The following GLO1 variants were observed in gnomAD, a reference collection of about 807,000 sequenced individuals.
GLO1 encodes lactoylglutathione lyase.
Under a neutral mutation model 26.0 loss-of-function variants are expected in GLO1, and 28 were observed. The observed-to-expected ratio is 1.08, with a 90% CI of 0.80 to 1.48. The LOEUF (loss-of-function observed/expected upper bound fraction) is 1.48. Among genes scored for constraint, GLO1 ranks in the 40% most tolerant of loss-of-function variants. The pLI is 0.00. For synonymous variants in GLO1, 78 were observed against 77.6 expected (o/e 1.00, Z -0.03); for missense variants, 225 against 224.8 (o/e 1.00, Z -0.01).
At position 38,686,939 on chromosome 6, in the gene GLO1, C is replaced by T; in HGVS notation, c.120G>A (p.Lys40=). The T allele has an allele frequency of 6.2e-7, 1 of 1,607,064 alleles. No individual in the cohort carries two copies. Among genetic ancestry groups the T allele is most frequent in the East Asian group, 2.2e-5 (1 of 44,818 alleles). ...FLLQQTMLRV[K]DPKKSLDFYT... is the part of the protein sequence containing the mutation. ...AAAAATCCAGTGACTTCTTAGGATC[C>T]TTCACTCGTAGCATGGTCTGCTGCA... Residue 40 remains lysine, a synonymous_variant, in exon 2 of 6, where the codon AAG becomes AAA. Coordinates refer to ENST00000373365, the MANE Select transcript of GLO1 (RefSeq NM_006708.3).
intron 2 of GLO1, 68 bp from the exon 3 acceptor site, chr6:38,684,582 A>G (rs1326454684): frequency 3.0e-6 from 3 of 1,007,878 alleles, no homozygotes; most frequent in Non-Finnish European, 4.0e-6. Flanking sequence ...TATAATCAAC[A>G]TAACTTAATA....
At position 38,703,094 on chromosome 6, in the gene GLO1, C is replaced by A. The variant is rs11544282; in HGVS notation, c.-40G>T. ...ATCACAGACGACGGGACCCAAGGAA[C>A]GGAGGAGTCACCCACACTACGCCTC... On this transcript the variant is annotated 5_prime_UTR_variant, in exon 1 of 6. Coordinates refer to ENST00000373365, the MANE Select transcript of GLO1 (RefSeq NM_006708.3). 1 of 1,178,350 alleles carries A rather than the reference C, an allele frequency of 8.5e-7. No homozygotes were observed. Among genetic ancestry groups the A allele is most frequent in the Admixed American group, 1.9e-5 (1 of 51,752 alleles). The allele number at this position is 1,178,350 out of a possible 1,614,324, so 73.0% of individuals were successfully genotyped here.
In GLO1 at chr6:38,682,863, A is replaced by G. The variant is rs1465105713; in HGVS notation, c.321T>C (p.Thr107=). 1.3e-6 allele frequency: 2 copies of G among 1,588,980 alleles called. No homozygotes were observed. Among genetic ancestry groups the G allele is most frequent in the Middle Eastern group, 1.7e-4 (1 of 6,044 alleles). Residue 107 remains threonine (T), a synonymous_variant, in exon 4 of 6, where the codon ACT becomes ACC. Coordinates refer to ENST00000373365, the MANE Select transcript of GLO1 (RefSeq NM_006708.3). ...ATLELTHNWG[T]EDDETQSYHN... ...GGTAACTCTGGGTCTCATCATCTTC[A>G]GTGCCCCAATTGCTACAAAAGGAAG...
At position 38,693,685 on chromosome 6, in the gene GLO1, C is replaced by CTATATA. The variant is rs1170645548; in HGVS notation, c.85-6717_85-6712dup. ...TCTCTCTCTCTCTCTCTCTCTCTCT[C>CTATATA]TATATATATATATATATATATTTGT... On this transcript the variant is annotated intron_variant, in intron 1 of 5. Coordinates refer to ENST00000373365, the MANE Select transcript of GLO1 (RefSeq NM_006708.3). Among the ~76,000 whole-genome samples the CTATATA allele has an allele frequency of 5.2e-3, 450 of 86,354 alleles. 5 individuals carry two copies. Among genetic ancestry groups the CTATATA allele is most frequent in the Admixed American group, 0.01 (91 of 8,774 alleles). 56.7% of individuals were successfully genotyped at this position (86,354 alleles called of 152,430 possible). A position where few individuals can be genotyped will look rare whatever the true frequency, so the allele number is the denominator to read the frequency against.
chr6:38,682,030 C>A lies in GLO1; in HGVS notation c.448G>T (p.Val150Leu), dbSNP rs145173943. The change falls in exon 5 of 6, where the codon GTG (valine) becomes TTG (leucine). Residue 150 changes from valine to leucine, a missense_variant. Transcript: ENST00000373365. The part of the protein sequence containing the change: ...KRFEELGVKF[V>L]KKPDDGKMKG... The stretch of plus-strand genomic sequence containing the variant: ...GACTCACCATCATCAGGTTTCTTCA[C>A]AAATTTGACTCCCAGTTCTTCAAAC... 2.6e-6 allele frequency: 4 copies of A among 1,560,274 alleles called. No homozygotes were observed. The African/African-American group carries it at 5.4e-5, about 21-fold the overall frequency.
intron 1 of GLO1, 86 bp from the exon 2 acceptor site, chr6:38,687,060 C>T (rs1761470549): frequency 2.0e-6 from 3 of 1,519,788 alleles, no homozygotes; most frequent in Admixed American, 2.1e-5. Context: ...AAGATACAAA[C>T]ACAATTGTTA....
intron 1 of GLO1, among the ~76,000 whole-genome samples, chr6:38,700,455 C>G (rs149553136): frequency 1.6e-4 from 25 of 152,338 alleles, no homozygotes; most frequent in South Asian, 8.3e-4. Flanking sequence ...GCTCCTTCTA[C>G]AAACTGAGCC....
intron 3 of GLO1, 135 bp downstream of exon 3, chr6:38,684,239 A>G (rs1761430007): frequency 8.2e-6 from 3 of 363,948 alleles, no homozygotes; most frequent in Non-Finnish European, 1.4e-5. Flanking sequence ...AAAACACTTC[A>G]ATATATTATT....
chr6:38,702,302 A>G (rs1242334335), intron 1 of GLO1, among the ~76,000 whole-genome samples: 1 of 152,196 alleles, frequency 6.6e-6, no homozygotes, highest in Non-Finnish European at 1.5e-5. Flanking sequence ...CAGTAAAGAC[A>G]TGTTCGGTAA....
intron 1 of GLO1, among the ~76,000 whole-genome samples, chr6:38,695,723 G>C (rs1761601635): frequency 6.6e-6 from 1 of 152,116 alleles, no homozygotes; most frequent in African/African-American, 2.4e-5. Flanking sequence ...GTGGGACTGA[G>C]GCCACAGTTT....
intron 1 of GLO1, among the ~76,000 whole-genome samples, chr6:38,700,982 T>C (rs1264410680): frequency 6.6e-6 from 1 of 152,174 alleles, no homozygotes; most frequent in African/African-American, 2.4e-5. Flanking sequence ...TTTTGCCATG[T>C]TGGCCAGGCT....
intron 1 of GLO1, among the ~76,000 whole-genome samples, chr6:38,702,581 AG>A (rs967113395): frequency 1.2e-4 from 19 of 152,322 alleles, no homozygotes; most frequent in Admixed American, 1.2e-3. Flanking sequence ...CAGGGTGGTA[AG>A]GAAAAACGAG....
intron 2 of GLO1, among the ~76,000 whole-genome samples, chr6:38,686,339 A>C (rs1761459970): frequency 6.6e-6 from 1 of 152,236 alleles, no homozygotes; most frequent in South Asian, 2.1e-4. Flanking sequence ...TAACTTAGGG[A>C]AACAAATCAA....
At chr6:38,683,980 C>T (rs1006842047) in intron 3 of GLO1, among the ~76,000 whole-genome samples, 2 of 152,144 alleles carry the variant, frequency 1.3e-5, no homozygotes, top group Non-Finnish European at 1.5e-5. Context: ...GAGGCCGAGG[C>T]GGGCGGATCA....
At chr6:38,683,579 T>C (rs1281290452) in intron 3 of GLO1, among the ~76,000 whole-genome samples, 1 of 152,216 alleles carries the variant, frequency 6.6e-6, no homozygotes, top group African/African-American at 2.4e-5. Context: ...CAGGGTCTTA[T>C]ATTCTCTTAT....
intron 2 of GLO1, among the ~76,000 whole-genome samples, chr6:38,685,811 A>G (rs999299506): frequency 3.3e-5 from 5 of 152,160 alleles, no homozygotes; most frequent in Admixed American, 2.0e-4. Flanking sequence ...CTTACTGTCA[A>G]CTTGTACCCT....
chr6:38,692,733 A>C (rs1039947930), intron 1 of GLO1, among the ~76,000 whole-genome samples: 1 of 151,862 alleles, frequency 6.6e-6, no homozygotes, highest in African/African-American at 2.4e-5. Context: ...ACTTAAAAAA[A>C]ATAATGAATG....
rs774846240 is a variant in GLO1, at chr6:38,684,383, T to C, written c.299A>G (p.Glu100Gly). The change falls in exon 3 of 6, where the codon GAG (glutamate) becomes GGG (glycine). Residue 100 changes from glutamate to glycine, a missense_variant. By Grantham distance (98) the Glu-to-Gly change is moderately conservative (BLOSUM62 -2). Coordinates refer to ENST00000373365, the MANE Select transcript of GLO1 (RefSeq NM_006708.3). ...AWALSRKATL[E>G]LTHNWGTEDD... ...AGAAACTCATACTCACTGTGTCAGCTCAAGTGTAGCTTTTCTGGAGAGCGC... is the reference window on the plus strand; with the variant it reads ...AGAAACTCATACTCACTGTGTCAGCCCAAGTGTAGCTTTTCTGGAGAGCGC... The C allele has an allele frequency of 2.0e-6, 3 of 1,492,518 alleles. No individual in the cohort carries two copies. Among genetic ancestry groups the C allele is most frequent in the Non-Finnish European group, 2.7e-6 (3 of 1,114,532 alleles). 92.5% of individuals were successfully genotyped at this position (1,492,518 alleles called of 1,614,324 possible).
intron 1 of GLO1, among the ~76,000 whole-genome samples, chr6:38,693,157 G>C (rs1291879600): frequency 1.3e-5 from 2 of 151,676 alleles, no homozygotes; most frequent in African/African-American, 4.9e-5. Flanking sequence ...CCTGGGTCTG[G>C]ACAAATCTTC....
Sources: allele counts gnomAD v4.1 joint callset (sites outside exome capture counted in the v4.1 genomes callset), GRCh38; gene constraint gnomAD v4.1.1; transcripts MANE v1.5; gene names NCBI Gene and HGNC (gene_info 2026-07-23, HGNC 2026-07-21).